The following STARD13 variants were observed in gnomAD, a reference collection of about 807,000 sequenced individuals.
STARD13 encodes stAR-related lipid transfer protein 13.
In STARD13, 62 loss-of-function variants were observed where a neutral mutation model predicts 106.4. That is an observed-to-expected ratio of 0.58 (90% confidence interval 0.48 to 0.72). The LOEUF (loss-of-function observed/expected upper bound fraction) is 0.72. Ranked by LOEUF, STARD13 falls within the 30% of genes least tolerant of loss-of-function variation. The pLI, the probability that STARD13 is intolerant of heterozygous loss-of-function variation, is 0.00. For missense variants in STARD13, 1,387 were observed against 1,424.0 expected (o/e 0.97, Z 0.42); for synonymous variants, 565 against 553.0 (o/e 1.02, Z -0.31).
chr13:33,497,058 T>C, the STARD13 span, among the ~76,000 whole-genome samples: 1 of 152,144 alleles, frequency 6.6e-6, no homozygotes, highest in Non-Finnish European at 1.5e-5. Flanking sequence ...AAAATAGACC[T>C]TGGGTATCCT....
chr13:33,530,791 T>C, the STARD13 span, among the ~76,000 whole-genome samples: 1 of 152,222 alleles, frequency 6.6e-6, no homozygotes. Context: ...CACAGTGATA[T>C]GTTAATTCTT....
chr13:33,317,581 T>C (rs991190180), intron 1 of STARD13, among the ~76,000 whole-genome samples: 1 of 152,166 alleles, frequency 6.6e-6, no homozygotes, highest in African/African-American at 2.4e-5. Flanking sequence ...TTCATCTAGA[T>C]CTCTCCTCAA....
chr13:33,228,436 C>T (rs1888731005), intron 1 of STARD13, among the ~76,000 whole-genome samples: 1 of 149,488 alleles, frequency 6.7e-6, no homozygotes, highest in African/African-American at 2.5e-5. Context: ...AGTTCATTTA[C>T]AGTGTTTTTT....
chr13:33,458,163 G>A, the STARD13 span, among the ~76,000 whole-genome samples: 1 of 152,082 alleles, frequency 6.6e-6, no homozygotes, highest in Non-Finnish European at 1.5e-5. Context: ...TGCAAAGAAG[G>A]GGACGTTGGA....
At chr13:33,609,940 G>T in the STARD13 span, among the ~76,000 whole-genome samples, 2 of 152,108 alleles carry the variant, frequency 1.3e-5, no homozygotes, top group Non-Finnish European at 2.9e-5. Context: ...GTACAAACAT[G>T]CTAATTGTAT....
the STARD13 span, among the ~76,000 whole-genome samples, chr13:33,502,176 C>A: frequency 2.0e-5 from 3 of 152,068 alleles, no homozygotes; most frequent in Non-Finnish European, 4.4e-5. Context: ...CCTGGTTTGG[C>A]TCTCTTTTTG....
At chr13:33,152,719 C>G (rs1464009884) in intron 3 of STARD13, among the ~76,000 whole-genome samples, 2 of 152,216 alleles carry the variant, frequency 1.3e-5, no homozygotes, top group African/African-American at 4.8e-5. Flanking sequence ...AAAAAAATCC[C>G]TCCCAGCTCT....
intron 1 of STARD13, among the ~76,000 whole-genome samples, chr13:33,339,784 G>T (rs753913899): frequency 6.6e-6 from 1 of 151,880 alleles, no homozygotes; most frequent in Admixed American, 6.6e-5. Flanking sequence ...TCTTTTCTTG[G>T]CACTAAAAGA....
At chr13:33,481,982 C>CG in the STARD13 span, among the ~76,000 whole-genome samples, 3 of 125,306 alleles carry the variant, frequency 2.4e-5, no homozygotes, top group East Asian at 4.5e-4. Context: ...GACTCCGTCT[C>CG]GAAAAAAAAA....
chr13:33,389,331 G>A, the STARD13 span, among the ~76,000 whole-genome samples: 2 of 152,088 alleles, frequency 1.3e-5, no homozygotes. Context: ...AAGGAAGAAT[G>A]AACCCACTAA....
At chr13:33,108,468 A>G (rs1421669592) in intron 12 of STARD13, among the ~76,000 whole-genome samples, 4 of 152,206 alleles carry the variant, frequency 2.6e-5, no homozygotes, top group African/African-American at 9.7e-5. Context: ...TCTATTTAAA[A>G]TTCCATCCCT....
chr13:33,241,730 T>C (rs1356536944), intron 1 of STARD13, among the ~76,000 whole-genome samples: 3 of 152,044 alleles, frequency 2.0e-5, no homozygotes, highest in Admixed American at 6.5e-5. Context: ...TTGGTGGAGA[T>C]GGGGTTTCGC....
chr13:33,661,278 T>G, the STARD13 span: 1 of 152,222 alleles, frequency 6.6e-6, no homozygotes, highest in Non-Finnish European at 1.5e-5. Flanking sequence ...AGGACTTGCC[T>G]TTCACTGCGG....
At chr13:33,354,554 A>G (rs2078108425), upstream of STARD13, among the ~76,000 whole-genome samples, 1 of 152,184 alleles carries the variant, frequency 6.6e-6, no homozygotes, top group South Asian at 2.1e-4. Context: ...CTAGCACAGA[A>G]CTTTTATTTC....
chr13:33,168,177 T>C (rs1029761106), intron 1 of STARD13, among the ~76,000 whole-genome samples: 1 of 152,112 alleles, frequency 6.6e-6, no homozygotes. Context: ...CTAATAGCCT[T>C]AATTCCCCAT....
chr13:33,612,518 C>A, the STARD13 span, among the ~76,000 whole-genome samples: 2,815 of 152,246 alleles, frequency 0.018, 81 homozygotes, highest in African/African-American at 0.063. Context: ...CCCCTACTCC[C>A]TGCCTCATCC....
chr13:33,191,412 G>A (rs748765026), intron 1 of STARD13, among the ~76,000 whole-genome samples: 3 of 152,106 alleles, frequency 2.0e-5, no homozygotes, highest in Non-Finnish European at 4.4e-5. Context: ...GTCTTGTAAT[G>A]CTTTTAATGC....
At chr13:33,199,818 G>A (rs1255233951) in intron 1 of STARD13, among the ~76,000 whole-genome samples, 2 of 152,070 alleles carry the variant, frequency 1.3e-5, no homozygotes, top group Non-Finnish European at 1.5e-5. Context: ...TGCTTGCTGG[G>A]TTTCTCCTCC....
intron 3 of STARD13, among the ~76,000 whole-genome samples, chr13:33,162,036 C>T (rs150290018): frequency 1.5e-3 from 222 of 152,320 alleles, no homozygotes; most frequent in African/African-American, 5.2e-3. Flanking sequence ...GAATACAATT[C>T]AAGATGAGAT....
Sources: gnomAD v4.1 joint callset for allele counts (sites outside exome capture counted in the v4.1 genomes callset) on GRCh38, gnomAD v4.1.1 for gene constraint, MANE v1.5 for transcripts, NCBI Gene and HGNC (gene_info 2026-07-23, HGNC 2026-07-21) for gene names.